The following ST8SIA2 variants were observed in gnomAD, a reference collection of about 807,000 sequenced individuals.
The protein encoded by ST8SIA2 is ST8 alpha-N-acetyl-neuraminide alpha-2,8-sialyltransferase 2.
ST8SIA2 carries 22 observed loss-of-function variants against 37.6 expected under a neutral mutation model. The ratio of observed to expected loss-of-function variants is 0.58; its 90% confidence interval spans 0.42 to 0.83. The LOEUF is 0.83. Ranked by LOEUF, ST8SIA2 falls within the 40% of genes least tolerant of loss-of-function variation. The pLI is 0.00. For missense variants in ST8SIA2, 382 were observed against 484.7 expected (o/e 0.79, Z 1.99); for synonymous variants, 205 against 201.2 (o/e 1.02, Z -0.16).
At chr15:92,417,843 G>A (rs184542285) in intron 1 of ST8SIA2, among the ~76,000 whole-genome samples, 47 of 152,240 alleles carry the variant, frequency 3.1e-4, no homozygotes, top group Admixed American at 3.9e-4. Flanking sequence ...TCTGGGTCAC[G>A]CCTTATCCTT....
chr15:92,434,126 C>G, intron 2 of ST8SIA2, 121 bp from the exon 3 acceptor site: 1 of 1,398,260 alleles, frequency 7.2e-7, no homozygotes, highest in Non-Finnish European at 1.0e-6. Flanking sequence ...CAGGTAATAA[C>G]TGCAATTTTG....
At chr15:92,421,837 C>T (rs1475925415) in intron 1 of ST8SIA2, among the ~76,000 whole-genome samples, 4 of 152,158 alleles carry the variant, frequency 2.6e-5, no homozygotes, top group East Asian at 3.8e-4. Flanking sequence ...TGTAGAAGAA[C>T]GAGGCTACCT....
chr15:92,450,866 A>G (rs975188139), intron 5 of ST8SIA2, among the ~76,000 whole-genome samples: 1 of 152,200 alleles, frequency 6.6e-6, no homozygotes, highest in Admixed American at 6.5e-5. Context: ...CACAGAAAAT[A>G]ACAAGTGTTG....
intron 1 of ST8SIA2, among the ~76,000 whole-genome samples, chr15:92,402,677 C>G (rs2049480020): frequency 6.6e-6 from 1 of 152,112 alleles, no homozygotes; most frequent in Non-Finnish European, 1.5e-5. Context: ...GCCAAAAGAT[C>G]AGTACAATTT....
intron 1 of ST8SIA2, among the ~76,000 whole-genome samples, chr15:92,419,906 G>A (rs1011937425): frequency 2.6e-5 from 4 of 152,024 alleles, no homozygotes; most frequent in Non-Finnish European, 5.9e-5. Context: ...TCGCTCTGTC[G>A]CCAGGCTGGA....
intron 1 of ST8SIA2, among the ~76,000 whole-genome samples, chr15:92,397,225 T>A (rs1295345849): frequency 6.6e-6 from 1 of 152,214 alleles, no homozygotes; most frequent in East Asian, 1.9e-4. Context: ...ATGTGTATTA[T>A]CTGGAGGGAT....
At chr15:92,398,811 T>C (rs576954756) in intron 1 of ST8SIA2, among the ~76,000 whole-genome samples, 1 of 152,282 alleles carries the variant, frequency 6.6e-6, no homozygotes, top group African/African-American at 2.4e-5. Flanking sequence ...GTCCTCTGAG[T>C]TATTTTTTTT....
At chr15:92,446,505 A>G (rs1211484553) in intron 5 of ST8SIA2, among the ~76,000 whole-genome samples, 1 of 152,210 alleles carries the variant, frequency 6.6e-6, no homozygotes, top group African/African-American at 2.4e-5. Context: ...ACATGTTTTA[A>G]AACTTACACA....
At chr15:92,422,695 G>A (rs2049644867) in intron 1 of ST8SIA2, 1 of 152,642 alleles carries the variant, frequency 6.6e-6, no homozygotes, top group South Asian at 2.1e-4. Flanking sequence ...CTAAGCACTT[G>A]GCCAAGTACA....
intron 1 of ST8SIA2, chr15:92,421,423 T>A (rs2049633117): frequency 6.6e-6 from 1 of 152,224 alleles, no homozygotes; most frequent in African/African-American, 2.4e-5. Context: ...TGGCTTGTCC[T>A]CCAGCCAAAA....
At position 92,468,325 on chromosome 15, in the gene ST8SIA2, C is replaced by T. The variant is rs185083623; in HGVS notation, c.*3940C>T. The T allele has an allele frequency of 1.3e-5, 2 of 152,838 alleles. No homozygotes were observed. The highest frequency in any genetic ancestry group is 1.3e-4 in the Admixed American group (2 of 15,310). 9.5% of individuals were successfully genotyped at this position (152,838 alleles called of 1,614,324 possible). ...CCCCATTCTTCCTTTACACCCTCCC[C>T]TGGTCAGCCTAGGAGAGTTGTTTTT... On this transcript the variant is annotated 3_prime_UTR_variant, in exon 6 of 6. Transcript: ENST00000268164.
At chr15:92,411,364 G>A (rs578195127) in intron 1 of ST8SIA2, among the ~76,000 whole-genome samples, 14 of 152,106 alleles carry the variant, frequency 9.2e-5, no homozygotes, top group South Asian at 6.2e-4. Context: ...ATTGAGGGTC[G>A]GGCGGGGGTG....
intron 4 of ST8SIA2, among the ~76,000 whole-genome samples, chr15:92,438,833 G>A (rs78966283): frequency 0.014 from 2,124 of 152,330 alleles, 50 homozygotes; most frequent in African/African-American, 0.049. Flanking sequence ...GAAGAGAGGC[G>A]TGGCAGGGGT....
intron 1 of ST8SIA2, among the ~76,000 whole-genome samples, chr15:92,398,524 T>A (rs1235749280): frequency 6.6e-6 from 1 of 152,274 alleles, no homozygotes; most frequent in Non-Finnish European, 1.5e-5. Context: ...GCTTTATAGA[T>A]GTTAACACAT....
In ST8SIA2 at chr15:92,459,625, G is replaced by A. The variant is rs28566906; in HGVS notation, c.843-4475G>A. Among the ~76,000 whole-genome samples, 839 of 152,260 alleles carry A rather than the reference G, an allele frequency of 5.5e-3. 7 individuals carry two copies. The highest frequency in any genetic ancestry group is 0.019 in the African/African-American group (809 of 41,530). ...TGTTTTGTTTTGTTTTTGAGATGGA[G>A]TCTCGCTCTTGTCACCCAGACTGGA... is the stretch of plus-strand genomic sequence containing the variant. On this transcript the variant is annotated intron_variant, in intron 5 of 5. Transcript: ENST00000268164.
chr15:92,400,146 C>T (rs1186556726), intron 1 of ST8SIA2, among the ~76,000 whole-genome samples: 1 of 152,232 alleles, frequency 6.6e-6, no homozygotes, highest in Non-Finnish European at 1.5e-5. Flanking sequence ...CTTCCTTTCT[C>T]TCACTGCTCT....
chr15:92,454,362 T>G lies in ST8SIA2; in HGVS notation c.842+9433T>G, dbSNP rs1330879272. 2.0e-5 allele frequency among the ~76,000 whole-genome samples: 3 copies of G among 152,054 alleles called. No homozygotes were observed. The East Asian group carries it at 5.8e-4, about 29-fold the overall frequency. ...AGTCATATTGGATTAAGGCCCACCC[T>G]AGTGACCTAATTTTAACTTCATTAC... On this transcript the variant is annotated intron_variant, in intron 5 of 5. Transcript: ENST00000268164.
chr15:92,424,659 G>C (rs1405659229), intron 1 of ST8SIA2, among the ~76,000 whole-genome samples: 1 of 151,086 alleles, frequency 6.6e-6, no homozygotes, highest in East Asian at 1.9e-4. Flanking sequence ...TGTCACCCAG[G>C]CTGGAGTGCA....
At chr15:92,458,198 T>C (rs1356991195) in intron 5 of ST8SIA2, among the ~76,000 whole-genome samples, 1 of 152,172 alleles carries the variant, frequency 6.6e-6, no homozygotes, top group Admixed American at 6.5e-5. Flanking sequence ...GGGGCTCTCT[T>C]CCAATCAGGG....
Sources: allele counts gnomAD v4.1 joint callset (sites outside exome capture counted in the v4.1 genomes callset), GRCh38; gene constraint gnomAD v4.1.1; transcripts MANE v1.5; gene names NCBI Gene and HGNC (gene_info 2026-07-23, HGNC 2026-07-21).